ACO2: variants seen among roughly 807,000 people sequenced by gnomAD.
ACO2 encodes aconitate hydratase, mitochondrial.
Under a neutral mutation model 84.5 loss-of-function variants are expected in ACO2, and 31 were observed. The observed-to-expected ratio is 0.37, with a 90% CI of 0.28 to 0.50. The LOEUF is 0.50. ACO2 is among the 20% of genes least tolerant of loss of function. The pLI, the probability that ACO2 is intolerant of heterozygous loss-of-function variation, is 0.97. For synonymous variants in ACO2, 414 were observed against 412.7 expected, an observed-to-expected ratio of 1.00 and a Z score of -0.04; for missense variants, 685 against 1,029.3, an observed-to-expected ratio of 0.67 and a Z score of 4.58.
intron 1 of ACO2, among the ~76,000 whole-genome samples, chr22:41,472,408 GT>G (rs2037957211): frequency 6.6e-6 from 1 of 152,042 alleles, no homozygotes; most frequent in South Asian, 2.1e-4. Context: ...AGTAGGTATG[GT>G]TTGAATCTGG....
intron 1 of ACO2, among the ~76,000 whole-genome samples, chr22:41,475,335 A>C (rs531796216): frequency 6.6e-6 from 1 of 151,732 alleles, no homozygotes; most frequent in Non-Finnish European, 1.5e-5. Context: ...ACCATGCCCA[A>C]CTAATTTTTT....
At chr22:41,528,239 C>G in intron 17 of ACO2, 1 of 837,426 alleles carries the variant, frequency 1.2e-6, no homozygotes, top group South Asian at 1.8e-5. Context: ...CCTCCCTTTA[C>G]TCACCAGGAC....
At chr22:41,490,597 ATAGT>A (rs1185758048) in intron 1 of ACO2, among the ~76,000 whole-genome samples, 1 of 152,232 alleles carries the variant, frequency 6.6e-6, no homozygotes, top group African/African-American at 2.4e-5. Flanking sequence ...TTTTAATTAG[ATAGT>A]TTCCTGGAAG....
In ACO2 at chr22:41,525,285, G is replaced by C. The variant is rs1351490782; in HGVS notation, c.1698G>C (p.Gln566His). 3 of 1,613,980 alleles carry C rather than the reference G, an allele frequency of 1.9e-6. No homozygotes were observed. The South Asian group carries it at 3.3e-5, about 18-fold the overall frequency. ...TGAGCCCCACCAGCCAGCGCCTGCA[G>C]CTCCTGGAGCCTTTTGACAAGTGGG... is the stretch of plus-strand genomic sequence containing the variant. ...VDVSPTSQRL[Q>H]LLEPFDKWDG... Residue 566 changes from glutamine to histidine, a missense_variant, in exon 14 of 18, where the codon CAG becomes CAC. Transcript: ENST00000216254.
At chr22:41,482,907 A>G (rs1460796523) in intron 1 of ACO2, among the ~76,000 whole-genome samples, 1 of 152,228 alleles carries the variant, frequency 6.6e-6, no homozygotes, top group African/African-American at 2.4e-5. Context: ...ATGGGGGCAC[A>G]TTTTCATTTG....
At position 41,469,471 on chromosome 22, in the gene ACO2, A is replaced by G. The variant is rs1601870402; in HGVS notation, c.36+289A>G. The G allele has an allele frequency of 1.6e-5, 7 of 425,898 alleles. No individual in the cohort carries two copies. The South Asian group carries it at 2.8e-4, about 17-fold the overall frequency. 26.4% of individuals were successfully genotyped at this position (425,898 alleles called of 1,614,324 possible). ...CCTCTTTCTTCTTTTTGAGGACAGC[A>G]TTGCCTGCTCCCGTGGGGTGTGTTT... On this transcript the variant is annotated intron_variant, in intron 1 of 17. Transcript: ENST00000216254.
intron 6 of ACO2, 41 bp from the exon 7 acceptor site, chr22:41,517,486 C>G: frequency 6.3e-7 from 1 of 1,577,348 alleles, no homozygotes; most frequent in Non-Finnish European, 8.7e-7. Context: ...GGGACCCTGG[C>G]CCGGCCACCA....
At chr22:41,492,866 C>T (rs546174418) in intron 1 of ACO2, among the ~76,000 whole-genome samples, 19 of 152,242 alleles carry the variant, frequency 1.2e-4, no homozygotes, top group Admixed American at 7.2e-4. Flanking sequence ...ATATCTTGAA[C>T]CTGGGAGGCG....
chr22:41,489,802 T>C (rs1011416980), intron 1 of ACO2, among the ~76,000 whole-genome samples: 4 of 151,874 alleles, frequency 2.6e-5, no homozygotes, highest in African/African-American at 7.3e-5. Flanking sequence ...ATTGTAAAGG[T>C]ACATTTTTTT....
chr22:41,527,376 T>G lies in ACO2; in HGVS notation c.2042T>G (p.Leu681Arg), dbSNP rs1569025573. 6.2e-7 allele frequency: 1 copy of G among 1,613,784 alleles called. No individual in the cohort carries two copies. The highest frequency in any genetic ancestry group is 8.5e-7 in the Non-Finnish European group (1 of 1,179,974). The change falls in exon 16 of 18, where the codon CTT becomes CGT. Residue 681 changes from leucine (L) to arginine (R), a missense_variant. Leu to Arg is a moderately radical substitution (Grantham distance 102, BLOSUM62 -2). Transcript: ENST00000216254. ...REHAALEPRH[L>R]GGRAIITKSF... Reference sequence around the variant, plus strand: ...CATGCAGCTCTGGAGCCTCGCCACCTTGGGGGCCGGGCCATCATCACCAAG... The same window carrying G: ...CATGCAGCTCTGGAGCCTCGCCACCGTGGGGGCCGGGCCATCATCACCAAG...
At chr22:41,519,998 G>A (rs531811837) in intron 8 of ACO2, among the ~76,000 whole-genome samples, 173 bp from the exon 9 acceptor site, 89 of 152,274 alleles carry the variant, frequency 5.8e-4, no homozygotes, top group African/African-American at 2.0e-3. Context: ...GAGGGAGCCC[G>A]GGAGCGGGTG....
At position 41,525,296 on chromosome 22, in the gene ACO2, C is replaced by G; in HGVS notation, c.1709C>G (p.Pro570Arg). ...PTSQRLQLLE[P>R]FDKWDGKDLE... ...AGCCAGCGCCTGCAGCTCCTGGAGC[C>G]TTTTGACAAGTGGGATGGCAAGGAC... Residue 570 changes from proline (P) to arginine (R), a missense_variant, in exon 14 of 18, where the codon CCT becomes CGT. Pro to Arg is a moderately radical substitution (Grantham distance 103, BLOSUM62 -2). This residue lies in a region of ACO2 where 311 missense variants were observed against 441.6 expected (regional missense o/e 0.70). Transcript: ENST00000216254. 6.2e-7 allele frequency: 1 copy of G among 1,614,086 alleles called. No individual in the cohort carries two copies. The highest frequency in any genetic ancestry group is 2.2e-5 in the East Asian group (1 of 44,874).
intron 1 of ACO2, among the ~76,000 whole-genome samples, chr22:41,484,407 G>T (rs1230139741): frequency 1.3e-5 from 2 of 152,264 alleles, no homozygotes; most frequent in East Asian, 3.9e-4. Context: ...CCAGGCCAGG[G>T]AGCTGGTGGA....
intron 1 of ACO2, among the ~76,000 whole-genome samples, chr22:41,474,393 A>G (rs1458167290): frequency 1.4e-5 from 2 of 143,114 alleles, no homozygotes; most frequent in Admixed American, 7.3e-5. Flanking sequence ...TCCTGGGTTC[A>G]TGCCATTCTC....
intron 1 of ACO2, among the ~76,000 whole-genome samples, chr22:41,493,090 G>A (rs931065691): frequency 6.6e-6 from 1 of 152,194 alleles, no homozygotes; most frequent in East Asian, 1.9e-4. Context: ...AGGGGAGGAA[G>A]GGGGCCGGAT....
In ACO2 at chr22:41,499,809, C is replaced by T. The variant is rs138241206; in HGVS notation, c.120C>T (p.Asn40=). The T allele has an allele frequency of 5.1e-5, 83 of 1,614,144 alleles. 1 individual carries two copies. In the Middle Eastern group the frequency reaches 1.8e-3, roughly 35 times the overall value. Residue 40 remains asparagine (N), a synonymous_variant, in exon 2 of 18, where the codon AAC becomes AAT. Transcript: ENST00000216254. Reference sequence around the variant, plus strand: ...TGGCGATGAGCCACTTTGAGCCCAACGAGTACATCCATTATGACCTGCTAG... The same window carrying T: ...TGGCGATGAGCCACTTTGAGCCCAATGAGTACATCCATTATGACCTGCTAG... ...AKVAMSHFEP[N]EYIHYDLLEK... is the part of the protein sequence containing the mutation.
intron 1 of ACO2, among the ~76,000 whole-genome samples, chr22:41,498,085 A>G (rs1601899583): frequency 2.0e-5 from 3 of 152,310 alleles, no homozygotes; most frequent in South Asian, 2.1e-4. Flanking sequence ...CGGAGGTTGC[A>G]GTGAGCTGAG....
intron 1 of ACO2, among the ~76,000 whole-genome samples, chr22:41,475,991 C>T (rs973038291): frequency 3.9e-5 from 6 of 151,952 alleles, no homozygotes; most frequent in African/African-American, 1.5e-4. Context: ...AGTCTCAACT[C>T]TCTGTGGTCC....
Position 41,528,536 on chromosome 22 carries a change from C to T in ACO2, c.2266C>T (p.His756Tyr), listed in dbSNP as rs1398237567. 2 of 1,613,188 alleles carry T rather than the reference C, an allele frequency of 1.2e-6. No homozygotes were observed. Among genetic ancestry groups the T allele is most frequent in the African/African-American group, 1.3e-5 (1 of 75,038 alleles). Reference sequence around the variant, plus strand: ...GACCCAGGAGACCATCCTCCTGAACCACACCTTCAACGAGACGCAGATTGA... The same window carrying T: ...GACCCAGGAGACCATCCTCCTGAACTACACCTTCAACGAGACGCAGATTGA... ...NGTQETILLN[H>Y]TFNETQIEWF... The change falls in exon 18 of 18, where the codon CAC (histidine) becomes TAC (tyrosine). Residue 756 changes from histidine to tyrosine, a missense_variant. By Grantham distance (83) the His-to-Tyr change is moderately conservative. Around this residue, in one of 5 missense-constraint regions of ACO2, gnomAD observed 174 missense variants for 236.6 expected, o/e 0.74. Coordinates refer to ENST00000216254, the MANE Select transcript of ACO2 (RefSeq NM_001098.3).
Sources: gnomAD v4.1 joint callset for allele counts (sites outside exome capture counted in the v4.1 genomes callset) on GRCh38, gnomAD v4.1.1 for gene constraint, gnomAD v4.1.1 regional missense constraint, MANE v1.5 for transcripts, NCBI Gene and HGNC (gene_info 2026-07-23, HGNC 2026-07-21) for gene names.